SHISA4: variants seen among roughly 807,000 people sequenced by gnomAD.
The protein encoded by SHISA4 is shisa family member 4, also known as protein shisa-4.
In SHISA4, 16 loss-of-function variants were observed where a neutral mutation model predicts 24.2. The observed-to-expected ratio is 0.66, with a 90% confidence interval of 0.45 to 1.00. SHISA4 has a LOEUF of 1.00. Among genes scored for constraint, SHISA4 ranks in the 50% least tolerant of loss-of-function variants. The probability of loss-of-function intolerance (pLI) is 0.00; values close to 1 mark genes in which losing one functional copy is unlikely to be tolerated. For missense variants in SHISA4, 238 were observed against 258.9 expected (o/e 0.92, Z 0.55); for synonymous variants, 106 against 105.4 (o/e 1.01, Z -0.04).
chr1:201,891,547 C>T lies in SHISA4; in HGVS notation c.526C>T (p.Pro176Ser). 1 of 1,612,404 alleles carries T rather than the reference C, an allele frequency of 6.2e-7. No homozygotes were observed. The highest frequency in any genetic ancestry group is 1.1e-5 in the South Asian group (1 of 90,838). ...APQYPLYPAGPPVYNPAAPPP... is the reference protein window; with the variant it reads ...APQYPLYPAGSPVYNPAAPPP... ...CCAATATCCACTCTACCCAGCTGGG[C>T]CCCCAGTCTACAACCCTGCAGGTAA... is the stretch of plus-strand genomic sequence containing the variant. Residue 176 changes from proline (P) to serine (S), a missense_variant, in exon 4 of 5, where the codon CCC becomes TCC. By Grantham distance (74) the Pro-to-Ser change is moderately conservative (BLOSUM62 -1). Transcript: ENST00000362011.
At position 201,889,053 on chromosome 1, in the gene SHISA4, TG is replaced by T. The variant is rs1419865277; in HGVS notation, c.64del (p.Ala22LeufsTer45). Reference sequence around the variant, plus strand: ...CTCACCGCAATCGCTCTGTTGGTGCTGGGGGCTCCCCTGGGTAAGGGGATGG... The same window carrying T: ...CTCACCGCAATCGCTCTGTTGGTGCTGGGGCTCCCCTGGGTAAGGGGATGG... ...APLTAIALLV[L>X]GAPLVLAGED... On this transcript the variant is annotated frameshift_variant, in exon 1 of 5. Transcript: ENST00000362011. LOFTEE classifies it high-confidence loss of function. 2.2e-6 allele frequency: 3 copies of T among 1,390,578 alleles called. No individual in the cohort carries two copies. The highest frequency in any genetic ancestry group is 3.4e-5 in the South Asian group (2 of 57,978). The allele number at this position is 1,390,578 out of a possible 1,614,324, so 86.1% of individuals were successfully genotyped here.
In SHISA4 at chr1:201,891,967, A is replaced by C. The variant is rs1681109119; in HGVS notation, c.*121A>C. 8.3e-7 allele frequency: 1 copy of C among 1,204,894 alleles called. No homozygotes were observed. The highest frequency in any genetic ancestry group is 1.7e-5 in the Admixed American group (1 of 58,238). The allele number at this position is 1,204,894 out of a possible 1,614,324, so 74.6% of individuals were successfully genotyped here. A position where few individuals can be genotyped will look rare whatever the true frequency, so the allele number is the denominator to read the frequency against. On this transcript the variant is annotated 3_prime_UTR_variant, in exon 5 of 5. Transcript: ENST00000362011. ...CCTCCAGCCACCAGGCCCCAGACCA[A>C]GCCAAGCCCTGGGCCCTACTGGGGA...
rs913984310 is a variant in SHISA4 at position 201,889,155 on chromosome 1, C to G, written c.73+88C>G. On this transcript the variant is annotated intron_variant, in intron 1 of 4. Coordinates refer to ENST00000362011, the MANE Select transcript of SHISA4 (RefSeq NM_198149.3). The stretch of plus-strand genomic sequence containing the variant: ...TCCGAGGGGCTTGGGCTCGGGGCTT[C>G]TCCGAGACCCTCCGGCTGCCACGGG... The G allele has an allele frequency of 5.1e-4, 624 of 1,222,882 alleles. 4 individuals are homozygous for G. The highest frequency in any genetic ancestry group is 1.2e-3 in the Middle Eastern group (5 of 4,282). 75.8% of individuals were successfully genotyped at this position (1,222,882 alleles called of 1,614,324 possible).
Position 201,889,436 on chromosome 1 carries a change from T to G in SHISA4, c.74-9T>G. The G allele has an allele frequency of 6.2e-7, 1 of 1,611,436 alleles. No individual in the cohort carries two copies. On this transcript the variant is annotated splice_polypyrimidine_tract_variant and intron_variant, in intron 1 of 4. Transcript: ENST00000362011. ...GTGGCCACTGGGCACCCCCAATCCCTGCCCGCAGTGCTGGCCGGCGAGGAC... is the reference window on the plus strand; with the variant it reads ...GTGGCCACTGGGCACCCCCAATCCCGGCCCGCAGTGCTGGCCGGCGAGGAC...
Position 201,890,606 on chromosome 1 carries a change from A to G in SHISA4, c.379+19A>G, listed in dbSNP as rs748441011. On this transcript the variant is annotated intron_variant, in intron 3 of 4. Transcript: ENST00000362011. ...TTTGAAGGTACACCCAGTACTGGGC[A>G]AGAAGGGCCTCAGATGGGCTGGGCT... 1.9e-6 allele frequency: 3 copies of G among 1,612,978 alleles called. No individual in the cohort carries two copies. Among genetic ancestry groups the G allele is most frequent in the Non-Finnish European group, 2.5e-6 (3 of 1,179,604 alleles).
intron 2 of SHISA4, 95 bp downstream of exon 2, chr1:201,889,711 C>T (rs1558231074): frequency 1.5e-5 from 22 of 1,422,026 alleles, no homozygotes; most frequent in Non-Finnish European, 1.9e-5. Flanking sequence ...CCTCCGTTGT[C>T]GACCTCCACA....
In SHISA4 at chr1:201,891,892, G is replaced by A. The variant is rs76325703; in HGVS notation, c.*46G>A. ...TGCCCCTTCAGTGATGCCAACCTTG[G>A]GAGATGCCCTCATCCTGTACCTGCA... On this transcript the variant is annotated 3_prime_UTR_variant, in exon 5 of 5. Transcript: ENST00000362011. 5.6e-3 allele frequency: 8,960 copies of A among 1,606,162 alleles called. 389 individuals are homozygous for A. The African/African-American group carries it at 0.1, about 19-fold the overall frequency.
Position 201,889,588 on chromosome 1 carries a change from A to G in SHISA4, c.217A>G (p.Arg73Gly). 3 of 1,613,430 alleles carry G rather than the reference A, an allele frequency of 1.9e-6. No individual in the cohort carries two copies. The highest frequency in any genetic ancestry group is 2.5e-6 in the Non-Finnish European group (3 of 1,179,912). Residue 73 changes from arginine (R) to glycine (G), a missense_variant, in exon 2 of 5, where the codon AGG (arginine) becomes GGG (glycine). Transcript: ENST00000362011. ...GGACCTGACCTTGCTTATCACCGAG[A>G]GGCAGCAGAAGCACTGCCTGGCCTT... ...CRDLTLLITE[R>G]QQKHCLAFSP... is the part of the protein sequence containing the mutation.
chr1:201,891,597 G>C, intron 4 of SHISA4, 29 bp downstream of exon 4: 1 of 1,590,886 alleles, frequency 6.3e-7, no homozygotes, highest in Non-Finnish European at 8.6e-7. Flanking sequence ...GCCCCTTGCT[G>C]CTGCCTTCCC....
chr1:201,891,267 TG>T, intron 3 of SHISA4, 133 bp from the exon 4 acceptor site: 1 of 995,214 alleles, frequency 1.0e-6, no homozygotes, highest in Non-Finnish European at 1.6e-6. Flanking sequence ...AAGCAGGGTG[TG>T]GGAGGCAAAG....
chr1:201,892,306 A>G lies in SHISA4; in HGVS notation c.*460A>G, dbSNP rs1195633695. The G allele has an allele frequency of 1.1e-5, 2 of 189,832 alleles. No homozygotes were observed. Among genetic ancestry groups the G allele is most frequent in the Non-Finnish European group, 2.2e-5 (2 of 92,362 alleles). The allele number at this position is 189,832 out of a possible 1,614,324, so 11.8% of individuals were successfully genotyped here. ...GATTAAAGCTGTAAAGACATAACTC[A>G]TATCAGTCGCATCATTGGACCCATC... is the stretch of plus-strand genomic sequence containing the variant. On this transcript the variant is annotated 3_prime_UTR_variant, in exon 5 of 5. Coordinates refer to ENST00000362011, the MANE Select transcript of SHISA4 (RefSeq NM_198149.3).
At chr1:201,890,122 G>C (rs950850439) in intron 2 of SHISA4, among the ~76,000 whole-genome samples, 30 of 152,252 alleles carry the variant, frequency 2.0e-4, no homozygotes, top group South Asian at 4.1e-4. Flanking sequence ...TCTGATTGAA[G>C]CGGGGTTTGG....
At chr1:201,889,754 C>G (rs766555941) in intron 2 of SHISA4, 138 bp downstream of exon 2, 31 of 1,055,572 alleles carry the variant, frequency 2.9e-5, no homozygotes, top group Non-Finnish European at 4.1e-5. Context: ...AGGACTCAAG[C>G]CTGGCGGCAG....
At chr1:201,889,260 G>A (rs1037345062) in intron 1 of SHISA4, 185 bp from the exon 2 acceptor site, 4 of 941,222 alleles carry the variant, frequency 4.2e-6, no homozygotes, top group African/African-American at 3.3e-5. Flanking sequence ...TGATCCCGGG[G>A]TGCAGGGTCA....
chr1:201,889,288 C>A, intron 1 of SHISA4, 157 bp from the exon 2 acceptor site: 1 of 1,099,558 alleles, frequency 9.1e-7, no homozygotes, highest in Non-Finnish European at 1.3e-6. Flanking sequence ...GCAGAGGCCT[C>A]GGGGGCTCTG....
In SHISA4 at chr1:201,891,437, C is replaced by T. The variant is rs1389798364; in HGVS notation, c.416C>T (p.Pro139Leu). The T allele has an allele frequency of 6.2e-7, 1 of 1,613,796 alleles. No homozygotes were observed. Among genetic ancestry groups the T allele is most frequent in the East Asian group, 2.2e-5 (1 of 44,880 alleles). ...CCAATGACAGGCATCCCAGTGCAGC[C>T]AGTATACCCATACCCCCAGGACCCC... is the stretch of plus-strand genomic sequence containing the variant. ...EIPMTGIPVQPVYPYPQDPKA... is the reference protein window; with the variant it reads ...EIPMTGIPVQLVYPYPQDPKA... Residue 139 changes from proline (P) to leucine (L), a missense_variant, in exon 4 of 5, where the codon CCA becomes CTA. Coordinates refer to ENST00000362011, the MANE Select transcript of SHISA4 (RefSeq NM_198149.3).
Position 201,891,812 on chromosome 1 carries a change from A to G in SHISA4, c.560A>G (p.Tyr187Cys). The G allele has an allele frequency of 2.5e-6, 4 of 1,613,604 alleles. No individual in the cohort carries two copies. Among genetic ancestry groups the G allele is most frequent in the Non-Finnish European group, 2.5e-6 (3 of 1,179,868 alleles). ...CTTTGGCTTTCAGCTCCTCCTCCCT[A>G]TATGCCACCACAGCCCTCTTACCCG... is the stretch of plus-strand genomic sequence containing the variant. The part of the protein sequence containing the change: ...PVYNPAAPPP[Y>C]MPPQPSYPGA Residue 187 changes from tyrosine (Y) to cysteine (C), a missense_variant, in exon 5 of 5, where the codon TAT becomes TGT. Transcript: ENST00000362011.
chr1:201,891,964 C>A lies in SHISA4; in HGVS notation c.*118C>A. ...AGTCCTCCAGCCACCAGGCCCCAGA[C>A]CAAGCCAAGCCCTGGGCCCTACTGG... On this transcript the variant is annotated 3_prime_UTR_variant, in exon 5 of 5. Coordinates refer to ENST00000362011, the MANE Select transcript of SHISA4 (RefSeq NM_198149.3). 8.2e-7 allele frequency: 1 copy of A among 1,220,164 alleles called. No individual in the cohort carries two copies. The highest frequency in any genetic ancestry group is 1.2e-6 in the Non-Finnish European group (1 of 830,048). The allele number at this position is 1,220,164 out of a possible 1,614,324, so 75.6% of individuals were successfully genotyped here. A position where few individuals can be genotyped will look rare whatever the true frequency, so the allele number is the denominator to read the frequency against.
rs1029360200 is a variant in SHISA4 at position 201,891,653 on chromosome 1, A to T, written c.547+85A>T. The T allele has an allele frequency of 1.4e-5, 22 of 1,538,966 alleles. No individual in the cohort carries two copies. In the South Asian group the frequency reaches 2.6e-4, roughly 18 times the overall value. ...TCCCCTGTGCCTCTCTCATTCTCAG[A>T]TTCCCTCTCCCAGACTTCCTCCACC... On this transcript the variant is annotated intron_variant, in intron 4 of 4. Coordinates refer to ENST00000362011, the MANE Select transcript of SHISA4 (RefSeq NM_198149.3).
Sources: allele counts gnomAD v4.1 joint callset (sites outside exome capture counted in the v4.1 genomes callset), GRCh38; gene constraint gnomAD v4.1.1; transcripts MANE v1.5; gene names NCBI Gene and HGNC (gene_info 2026-07-23, HGNC 2026-07-21).